Variants in OR51S1 observed in about 807,000 individuals in gnomAD.
OR51S1 encodes the protein olfactory receptor family 51 subfamily S member 1.
A neutral mutation model predicts 0.3 loss-of-function variants in OR51S1; 1 was observed. That is an observed-to-expected ratio of 3.51 (90% CI 1.25 to 16.67). OR51S1 has a LOEUF of 16.67. Ranked by LOEUF, OR51S1 falls within the 30% of genes most tolerant of loss-of-function variation. The pLI is 0.12. For synonymous variants in OR51S1, 180 were observed against 159.4 expected, an observed-to-expected ratio of 1.13 and a Z score of -0.97; for missense variants, 479 against 393.8, an observed-to-expected ratio of 1.22 and a Z score of -1.83.
At position 4,848,739 on chromosome 11, in the gene OR51S1, G is replaced by T; in HGVS notation, c.470C>A (p.Ser157Tyr). 6.2e-7 allele frequency: 1 copy of T among 1,614,028 alleles called. No individual in the cohort carries two copies. The highest frequency in any genetic ancestry group is 1.1e-5 in the South Asian group (1 of 91,034). The change falls in exon 1 of 1, where the codon TCT (serine) becomes TAT (tyrosine). Residue 157 changes from serine (S) to tyrosine (Y), a missense_variant. Coordinates refer to ENST00000322101, the MANE Select transcript of OR51S1 (RefSeq NM_001004758.1). The part of the protein sequence containing the change: ...GVISKISLAI[S>Y]FRCLGLHLPL... Reference sequence around the variant, plus strand: ...CAGATGGAGACCCAGGCATCGAAAAGAAATGGCCAGGCTGATTTTGCTAAT... The same window carrying T: ...CAGATGGAGACCCAGGCATCGAAAATAAATGGCCAGGCTGATTTTGCTAAT...
In OR51S1 at chr11:4,848,254, C is replaced by A. The variant is rs764252300; in HGVS notation, c.955G>T (p.Val319Leu). Residue 319 changes from valine (V) to leucine (L), a missense_variant, in exon 1 of 1, where the codon GTG becomes TTG. Transcript: ENST00000322101. ...RILNRLQPRKVGGAQ is the reference protein window; with the variant it reads ...RILNRLQPRKLGGAQ ...CATCCTACTCACTGAGCACCACCCACCTTCCTGGGCTGCAACCTGTTGAGT... is the reference window on the plus strand; with the variant it reads ...CATCCTACTCACTGAGCACCACCCAACTTCCTGGGCTGCAACCTGTTGAGT... The A allele has an allele frequency of 6.8e-6, 11 of 1,607,468 alleles. No homozygotes were observed. The South Asian group carries it at 1.2e-4, about 18-fold the overall frequency.
In OR51S1 at chr11:4,849,145, G is replaced by T; in HGVS notation, c.64C>A (p.Leu22Met). Reference sequence around the variant, plus strand: ...CCTGATAGGCCTGGCATGCCCACCAGCAAGAAGGTGGGGGCCATTGAAGTG... The same window carrying T: ...CCTGATAGGCCTGGCATGCCCACCATCAAGAAGGTGGGGGCCATTGAAGTG... ...SSTSMAPTFL[L>M]VGMPGLSGAP... is the part of the protein sequence containing the mutation. Residue 22 changes from leucine (L) to methionine (M), a missense_variant, in exon 1 of 1, where the codon CTG (leucine) becomes ATG (methionine). By Grantham distance (15) the Leu-to-Met change is conservative. Coordinates refer to ENST00000322101, the MANE Select transcript of OR51S1 (RefSeq NM_001004758.1). 1.2e-6 allele frequency: 2 copies of T among 1,613,916 alleles called. No homozygotes were observed. Among genetic ancestry groups the T allele is most frequent in the Non-Finnish European group, 1.7e-6 (2 of 1,179,852 alleles).
At position 4,848,352 on chromosome 11, in the gene OR51S1, A is replaced by C. The variant is rs200928180; in HGVS notation, c.857T>G (p.Val286Gly). 8.2e-4 allele frequency: 1,317 copies of C among 1,614,022 alleles called. 1 individual carries two copies. The highest frequency in any genetic ancestry group is 1.0e-3 in the Non-Finnish European group (1,221 of 1,180,018). ...TATCAATGGAGGAAGAAGGAAATGG[A>C]CATAGGATAGAAGAGTATGGGTATG... ...TQHTHTLLSY[V>G]HFLLPPLINP... is the part of the protein sequence containing the mutation. The change falls in exon 1 of 1, where the codon GTC becomes GGC. Residue 286 changes from valine to glycine, a missense_variant. Physicochemically the swap from Val to Gly is moderately radical, Grantham distance 109 (BLOSUM62 -3). Transcript: ENST00000322101.
rs1849919526 is a variant in OR51S1 at position 4,848,649 on chromosome 11, C to A, written c.560G>T (p.Cys187Phe). ...CLPQVLTHSYCLHPDVARLAC... is the reference protein window; with the variant it reads ...CLPQVLTHSYFLHPDVARLAC... ...CAAACGAGCCACATCTGGATGCAAG[C>A]AATAAGAATGGGTTAGGACCTGTGG... Residue 187 changes from cysteine to phenylalanine, a missense_variant, in exon 1 of 1, where the codon TGC (cysteine) becomes TTC (phenylalanine). Transcript: ENST00000322101. The A allele has an allele frequency of 6.2e-7, 1 of 1,613,190 alleles. No individual in the cohort carries two copies. The highest frequency in any genetic ancestry group is 8.5e-7 in the Non-Finnish European group (1 of 1,179,590).
At position 4,848,699 on chromosome 11, in the gene OR51S1, C is replaced by A; in HGVS notation, c.510G>T (p.Leu170=). 1 of 1,613,986 alleles carries A rather than the reference C, an allele frequency of 6.2e-7. No individual in the cohort carries two copies. Among genetic ancestry groups the A allele is most frequent in the Non-Finnish European group, 8.5e-7 (1 of 1,179,980 alleles). ...CLGLHLPLPF[L]LAYMPYCLPQ... is the part of the protein sequence containing the mutation. ...GGAGGCAGTAGGGCATGTAGGCCAG[C>A]AGGAATGGCAGGGGCAGATGGAGAC... The change falls in exon 1 of 1, where the codon CTG becomes CTT. Residue 170 remains leucine, a synonymous_variant. Transcript: ENST00000322101.
Position 4,848,952 on chromosome 11 carries a change from A to C in OR51S1, c.257T>G (p.Met86Arg), listed in dbSNP as rs958191101. Residue 86 changes from methionine (M) to arginine (R), a missense_variant, in exon 1 of 1, where the codon ATG becomes AGG. Met to Arg is a moderately conservative substitution (Grantham distance 91). Coordinates refer to ENST00000322101, the MANE Select transcript of OR51S1 (RefSeq NM_001004758.1). ...AAGGGCGATGCCCAGCAGTGTGGGC[A>C]TCAGGGCAGTGACCAATCCAATATC... ...VSDIGLVTAL[M>R]PTLLGIALAG... 3 of 1,614,026 alleles carry C rather than the reference A, an allele frequency of 1.9e-6. No individual in the cohort carries two copies. Among genetic ancestry groups the C allele is most frequent in the African/African-American group, 1.3e-5 (1 of 74,934 alleles).
chr11:4,848,695 C>CCAGCAGGAATGG lies in OR51S1; in HGVS notation c.502_513dup (p.Pro168_Leu171dup), dbSNP rs1161294849. The CCAGCAGGAATGG allele has an allele frequency of 1.2e-6, 2 of 1,614,032 alleles. No individual in the cohort carries two copies. The highest frequency in any genetic ancestry group is 1.7e-5 in the Admixed American group (1 of 60,002). On this transcript the variant is annotated inframe_insertion, in exon 1 of 1. Transcript: ENST00000322101. ...TGTGGGAGGCAGTAGGGCATGTAGG[C>CCAGCAGGAATGG]CAGCAGGAATGGCAGGGGCAGATGG... is the stretch of plus-strand genomic sequence containing the variant.
In OR51S1 at chr11:4,848,784, G is replaced by A. The variant is rs750637821; in HGVS notation, c.425C>T (p.Ala142Val). 9.3e-6 allele frequency: 15 copies of A among 1,614,062 alleles called. No homozygotes were observed. Among genetic ancestry groups the A allele is most frequent in the South Asian group, 3.3e-5 (3 of 91,056 alleles). ...LAICRPLHYP[A>V]LLTNGVISKI... ...GCTAATTACACCATTGGTGAGGAGC[G>A]CTGGGTAGTGGAGAGGTCGGCAGAT... is the stretch of plus-strand genomic sequence containing the variant. The change falls in exon 1 of 1, where the codon GCG (alanine) becomes GTG (valine). Residue 142 changes from alanine to valine, a missense_variant. By Grantham distance (64) the Ala-to-Val change is moderately conservative (BLOSUM62 0). Coordinates refer to ENST00000322101, the MANE Select transcript of OR51S1 (RefSeq NM_001004758.1).
At position 4,848,942 on chromosome 11, in the gene OR51S1, C is replaced by A. The variant is rs1849929326; in HGVS notation, c.267G>T (p.Leu89=). The change falls in exon 1 of 1, where the codon CTG becomes CTT. Residue 89 remains leucine, a synonymous_variant. Transcript: ENST00000322101. ...IGLVTALMPT[L]LGIALAGAHT... The stretch of plus-strand genomic sequence containing the variant: ...GAGCACCAGCAAGGGCGATGCCCAG[C>A]AGTGTGGGCATCAGGGCAGTGACCA... 1.9e-6 allele frequency: 3 copies of A among 1,613,760 alleles called. No homozygotes were observed. Among genetic ancestry groups the A allele is most frequent in the Non-Finnish European group, 8.5e-7 (1 of 1,179,828 alleles).
At position 4,848,909 on chromosome 11, in the gene OR51S1, G is replaced by A. The variant is rs11602455; in HGVS notation, c.300C>T (p.Val100=). 626,982 of 1,613,718 alleles carry A rather than the reference G, an allele frequency of 0.39. 128,752 individuals are homozygous for A. The highest frequency in any genetic ancestry group is 0.43 in the Middle Eastern group (2,600 of 6,050). Residue 100 remains valine, a synonymous_variant, in exon 1 of 1, where the codon GTC becomes GTT. Coordinates refer to ENST00000322101, the MANE Select transcript of OR51S1 (RefSeq NM_001004758.1). ...TCTGTAGAAGGCAGGCTGAGGCAGG[G>A]ACAGTGTGAGCACCAGCAAGGGCGA... ...LGIALAGAHT[V]PASACLLQMV...
In OR51S1 at chr11:4,848,324, G is replaced by T. The variant is rs1302617583; in HGVS notation, c.885C>A (p.Asn295Lys). Reference protein sequence around the residue: ...YVHFLLPPLINPILYSVKMKE... With the variant: ...YVHFLLPPLIKPILYSVKMKE... ...TCATCTTGACACTATAGAGAATAGGGTTTATCAATGGAGGAAGAAGGAAAT... is the reference window on the plus strand; with the variant it reads ...TCATCTTGACACTATAGAGAATAGGTTTTATCAATGGAGGAAGAAGGAAAT... Residue 295 changes from asparagine to lysine, a missense_variant, in exon 1 of 1, where the codon AAC becomes AAA. Asn to Lys is a moderately conservative substitution (Grantham distance 94). Transcript: ENST00000322101. 11 of 1,613,922 alleles carry T rather than the reference G, an allele frequency of 6.8e-6. No homozygotes were observed. The highest frequency in any genetic ancestry group is 9.3e-6 in the Non-Finnish European group (11 of 1,179,970).
rs765491390 is a variant in OR51S1, at chr11:4,849,026, G to A, written c.183C>T (p.Pro61=). The A allele has an allele frequency of 2.2e-5, 35 of 1,613,954 alleles. No homozygotes were observed. The highest frequency in any genetic ancestry group is 2.6e-5 in the Non-Finnish European group (31 of 1,179,992). Residue 61 remains proline (P), a synonymous_variant, in exon 1 of 1, where the codon CCC becomes CCT. Coordinates refer to ENST00000322101, the MANE Select transcript of OR51S1 (RefSeq NM_001004758.1). ...GTILWIIALQ[P]ALHRPMHFFL... is the part of the protein sequence containing the mutation. The stretch of plus-strand genomic sequence containing the variant: ...AGAAGTGCATTGGGCGGTGCAGGGC[G>A]GGCTGCAGGGCAATGATCCAGAGGA...
rs1449097037 is a variant in OR51S1 at position 4,848,433 on chromosome 11, T to C, written c.776A>G (p.Tyr259Cys). The C allele has an allele frequency of 5.0e-6, 8 of 1,613,992 alleles. No homozygotes were observed. The highest frequency in any genetic ancestry group is 3.3e-5 in the South Asian group (3 of 91,070). Residue 259 changes from tyrosine to cysteine, a missense_variant, in exon 1 of 1, where the codon TAT (tyrosine) becomes TGT (cysteine). Physicochemically the swap from Tyr to Cys is radical, Grantham distance 194. Transcript: ENST00000322101. ...CAGTGCCAGGAGGATCATAGGGATA[T>C]AGAAGAGGAGCACTGCAGAGAGGTG... Reference protein sequence around the residue: ...AAHLSAVLLFYIPMILLALIN... With the variant: ...AAHLSAVLLFCIPMILLALIN...
Sources: gnomAD v4.1 joint callset for allele counts on GRCh38, gnomAD v4.1.1 for gene constraint, MANE v1.5 for transcripts, NCBI Gene and HGNC (gene_info 2026-07-23, HGNC 2026-07-21) for gene names.